Variants in HESX1 observed in about 807,000 individuals in gnomAD.
HESX1 encodes homeobox expressed in ES cells 1.
Under a neutral mutation model 22.5 loss-of-function variants are expected in HESX1, and 11 were observed. The observed-to-expected ratio is 0.49, with a 90% CI of 0.31 to 0.81. The LOEUF is 0.81. Among genes scored for constraint, HESX1 ranks in the 30% least tolerant of loss-of-function variants. The probability of loss-of-function intolerance (pLI) is 0.05; values close to 1 mark genes in which losing one functional copy is unlikely to be tolerated. For synonymous variants in HESX1, 74 were observed against 76.5 expected (o/e 0.97, Z 0.17); for missense variants, 201 against 212.6 (o/e 0.95, Z 0.34).
At chr3:57,209,042 CATT>C (rs1468148937) in intron 1 of HESX1, among the ~76,000 whole-genome samples, 1 of 152,026 alleles carries the variant, frequency 6.6e-6, no homozygotes, top group Non-Finnish European at 1.5e-5. Context: ...TCTTATTCAA[CATT>C]ATTGTGTAAT....
intron 1 of HESX1, among the ~76,000 whole-genome samples, chr3:57,211,653 T>G (rs896454230): frequency 4.0e-5 from 6 of 148,866 alleles, no homozygotes; most frequent in Non-Finnish European, 7.4e-5. Flanking sequence ...GCCAACATGG[T>G]GAAACCCCGT....
At chr3:57,211,387 G>A (rs1579359455) in intron 1 of HESX1, among the ~76,000 whole-genome samples, 4 of 151,662 alleles carry the variant, frequency 2.6e-5, no homozygotes, top group Admixed American at 6.6e-5. Flanking sequence ...ACCTTCAGCC[G>A]GGCGTGGTAG....
At chr3:57,220,875 G>A (rs1041508580) in intron 1 of HESX1, among the ~76,000 whole-genome samples, 1 of 152,162 alleles carries the variant, frequency 6.6e-6, no homozygotes, top group African/African-American at 2.4e-5. Context: ...TTTGCCTGAC[G>A]TGGCCTCCTC....
At chr3:57,227,481 T>C (rs1238297731), upstream of HESX1, among the ~76,000 whole-genome samples, 1 of 152,220 alleles carries the variant, frequency 6.6e-6, no homozygotes, top group Non-Finnish European at 1.5e-5. Flanking sequence ...CTCGAGGCTC[T>C]GGCTCCTCGC....
Position 57,226,257 on chromosome 3 carries a change from T to C in HESX1, c.-111+39A>G, listed in dbSNP as rs1321407137. The C allele has an allele frequency of 2.0e-5, 3 of 152,178 alleles. No individual in the cohort carries two copies. The South Asian group carries it at 6.2e-4, about 31-fold the overall frequency. The allele number at this position is 152,178 out of a possible 1,614,324, so 9.4% of individuals were successfully genotyped here. ...TAACAGTTGCCACAACCTTTCTTCA[T>C]TTAAAATCTAACTCAGTTCAATCAG... On this transcript the variant is annotated intron_variant, in intron 1 of 2. Coordinates refer to the HESX1 transcript ENST00000495160.
chr3:57,209,686 A>AAG (rs1553633603), intron 1 of HESX1, among the ~76,000 whole-genome samples: 23 of 151,840 alleles, frequency 1.5e-4, no homozygotes, highest in Non-Finnish European at 3.2e-4. Context: ...AAAAAAAAAA[A>AAG]AAAAGAAAAG....
chr3:57,198,187 A>C lies in HESX1; in HGVS notation c.*10T>G, dbSNP rs1257315889. The C allele has an allele frequency of 6.7e-7, 1 of 1,492,676 alleles. No individual in the cohort carries two copies. The highest frequency in any genetic ancestry group is 9.3e-7 in the Non-Finnish European group (1 of 1,069,978). 92.5% of individuals were successfully genotyped at this position (1,492,676 alleles called of 1,614,324 possible). On this transcript the variant is annotated 3_prime_UTR_variant, in exon 4 of 4. Coordinates refer to ENST00000295934, the MANE Select transcript of HESX1 (RefSeq NM_003865.3). ...AATTAGAAGATAATTTCACTTGTTT[A>C]GTTTTCTATCTATTCCAGCAGATTT... is the stretch of plus-strand genomic sequence containing the variant.
intron 1 of HESX1, among the ~76,000 whole-genome samples, chr3:57,208,486 A>G (rs1046251875): frequency 1.3e-5 from 2 of 151,806 alleles, no homozygotes; most frequent in Non-Finnish European, 2.9e-5. Context: ...AGCAGGGATT[A>G]CAGGCGTGTG....
At chr3:57,220,321 A>G (rs2060608744) in intron 1 of HESX1, among the ~76,000 whole-genome samples, 1 of 152,174 alleles carries the variant, frequency 6.6e-6, no homozygotes, top group Non-Finnish European at 1.5e-5. Context: ...TCCTGTTTAT[A>G]GTGAATGTGA....
At chr3:57,225,406 C>T (rs2060636153) in intron 1 of HESX1, among the ~76,000 whole-genome samples, 1 of 152,058 alleles carries the variant, frequency 6.6e-6, no homozygotes, top group African/African-American at 2.4e-5. Context: ...GGCTGGAGTG[C>T]AGTTTCGGCT....
rs760285806 is a variant in HESX1, at chr3:57,199,911, G to C, written c.8C>G (p.Pro3Arg). The C allele has an allele frequency of 6.2e-7, 1 of 1,613,728 alleles. No individual in the cohort carries two copies. Among genetic ancestry groups the C allele is most frequent in the South Asian group, 1.1e-5 (1 of 91,074 alleles). Residue 3 changes from proline to arginine, a missense_variant, in exon 1 of 4, where the codon CCC becomes CGC. Transcript: ENST00000295934. Reference sequence around the variant, plus strand: ...GAGCTGAGCGCCTTCCTGAAGGCTGGGAGACATCCTCTCGTGGTCTGCACA... The same window carrying C: ...GAGCTGAGCGCCTTCCTGAAGGCTGCGAGACATCCTCTCGTGGTCTGCACA... Reference protein sequence around the residue: MSPSLQEGAQLGE... With the variant: MSRSLQEGAQLGE...
At chr3:57,215,414 G>A (rs893209501) in intron 1 of HESX1, among the ~76,000 whole-genome samples, 2 of 152,058 alleles carry the variant, frequency 1.3e-5, no homozygotes. Context: ...CCACTGTCCA[G>A]GACCCAAAGT....
At chr3:57,218,632 C>T (rs972530760) in intron 1 of HESX1, among the ~76,000 whole-genome samples, 5 of 151,900 alleles carry the variant, frequency 3.3e-5, no homozygotes, top group East Asian at 1.9e-4. Context: ...TTAGTTGAGA[C>T]GGGTTTTGCC....
upstream of HESX1, among the ~76,000 whole-genome samples, chr3:57,201,897 A>G (rs1035688666): frequency 6.6e-6 from 1 of 151,322 alleles, no homozygotes; most frequent in Non-Finnish European, 1.5e-5. Context: ...CTATCTATCT[A>G]TCTATCTATC....
At chr3:57,206,316 C>T (rs577421158) in intron 1 of HESX1, among the ~76,000 whole-genome samples, 2 of 152,268 alleles carry the variant, frequency 1.3e-5, no homozygotes, top group South Asian at 4.1e-4. Flanking sequence ...AGAAATATAT[C>T]CACTAGGTTT....
intron 1 of HESX1, among the ~76,000 whole-genome samples, chr3:57,217,886 GCCT>G (rs1184193370): frequency 6.6e-6 from 1 of 151,916 alleles, no homozygotes; most frequent in Non-Finnish European, 1.5e-5. Context: ...CTCCACAGAT[GCCT>G]CCTCATCTTC....
intron 1 of HESX1, among the ~76,000 whole-genome samples, chr3:57,212,884 C>T (rs1195807257): frequency 6.6e-6 from 1 of 152,090 alleles, no homozygotes; most frequent in East Asian, 1.9e-4. Flanking sequence ...TGTTGGTTTG[C>T]TGCACCCATC....
At chr3:57,201,871 A>ATC (rs2060489155), upstream of HESX1, among the ~76,000 whole-genome samples, 3 of 142,102 alleles carry the variant, frequency 2.1e-5, no homozygotes, top group African/African-American at 8.1e-5. Context: ...ATATCTATCT[A>ATC]TCTATATCTA....
At chr3:57,224,794 T>G (rs899726817) in intron 1 of HESX1, among the ~76,000 whole-genome samples, 1 of 152,210 alleles carries the variant, frequency 6.6e-6, no homozygotes, top group African/African-American at 2.4e-5. Context: ...AACCTAATTA[T>G]AAGACCAAAT....
Sources: allele counts gnomAD v4.1 joint callset (sites outside exome capture counted in the v4.1 genomes callset), GRCh38; gene constraint gnomAD v4.1.1; transcripts MANE v1.5; gene names NCBI Gene and HGNC (gene_info 2026-07-23, HGNC 2026-07-21).